PPP1R9B: variants seen among roughly 807,000 people sequenced by gnomAD.
PPP1R9B encodes the protein neurabin-2.
Under a neutral mutation model 75.8 loss-of-function variants are expected in PPP1R9B, and 17 were observed. The observed-to-expected ratio is 0.22, with a 90% CI of 0.15 to 0.34. The LOEUF is 0.34. PPP1R9B is among the 10% of genes least tolerant of loss of function. PPP1R9B has a pLI of 1.00. For missense variants in PPP1R9B, 875 were observed against 1,196.0 expected, an observed-to-expected ratio of 0.73 and a Z score of 3.96; for synonymous variants, 509 against 535.4, an observed-to-expected ratio of 0.95 and a Z score of 0.68.
At position 50,139,657 on chromosome 17, in the gene PPP1R9B, G is replaced by A; in HGVS notation, c.1867-76C>T. On this transcript the variant is annotated intron_variant, in intron 5 of 9. Transcript: ENST00000612501. The surrounding 1 kb of genome is among the most constrained non-coding windows in gnomAD (Gnocchi z 5.0). ...GCCCTGATGACCAGGGCTGGGACCA[G>A]TTGCCCATGCCAGACAGAGAGCTAC... 1.4e-6 allele frequency: 2 copies of A among 1,474,962 alleles called. No homozygotes were observed. Among genetic ancestry groups the A allele is most frequent in the South Asian group, 2.7e-5 (2 of 72,986 alleles). 91.4% of individuals were successfully genotyped at this position (1,474,962 alleles called of 1,614,324 possible).
At chr17:50,140,267 A>G (rs924253864) in intron 4 of PPP1R9B, 39 bp from the exon 5 acceptor site, 10 of 1,563,734 alleles carry the variant, frequency 6.4e-6, no homozygotes, top group Non-Finnish European at 8.7e-6. Flanking sequence ...CTCTGTCCTC[A>G]GCCAGGTAAT....
intron 1 of PPP1R9B, among the ~76,000 whole-genome samples, chr17:50,145,636 G>C (rs1206466844): frequency 6.6e-6 from 1 of 152,032 alleles, no homozygotes; most frequent in African/African-American, 2.4e-5. Flanking sequence ...GGGACACAAA[G>C]ACAGACACAG....
chr17:50,141,746 G>C (rs934493601), intron 3 of PPP1R9B, among the ~76,000 whole-genome samples: 1 of 152,050 alleles, frequency 6.6e-6, no homozygotes, highest in African/African-American at 2.4e-5. Context: ...CAGGGACCTG[G>C]TACTTTGTCT....
chr17:50,150,361 G>C lies in PPP1R9B; in HGVS notation c.153C>G (p.Gly51=). The C allele has an allele frequency of 2.1e-6, 3 of 1,430,726 alleles. No individual in the cohort carries two copies. The East Asian group carries it at 9.1e-5, about 44-fold the overall frequency. 88.6% of individuals were successfully genotyped at this position (1,430,726 alleles called of 1,614,324 possible). The change falls in exon 1 of 10, where the codon GGC becomes GGG. Residue 51 remains glycine, a synonymous_variant. Coordinates refer to ENST00000612501, the MANE Select transcript of PPP1R9B (RefSeq NM_032595.5). This position sits in a 1 kb window ranked among gnomAD's most constrained non-coding sequence, Gnocchi z 8.7. The part of the protein sequence containing the change: ...APKGAHHKKY[G]SNVHRIKSMF... ...TACTTTTGATGCGGTGGACGTTGGA[G>C]CCATATTTCTTGTGGTGGGCCCCCT...
Position 50,150,347 on chromosome 17 carries a change from C to T in PPP1R9B, c.167G>A (p.Arg56His). ...CATCTGCAGGAACATACTTTTGATG[C>T]GGTGGACGTTGGAGCCATATTTCTT... ...HHKKYGSNVH[R>H]IKSMFLQMGT... Residue 56 changes from arginine (R) to histidine (H), a missense_variant, in exon 1 of 10, where the codon CGC becomes CAC. By Grantham distance (29) the Arg-to-His change is conservative. Coordinates refer to ENST00000612501, the MANE Select transcript of PPP1R9B (RefSeq NM_032595.5). The surrounding 1 kb of genome is among the most constrained non-coding windows in gnomAD (Gnocchi z 8.7). The T allele has an allele frequency of 7.0e-7, 1 of 1,432,142 alleles. No individual in the cohort carries two copies. The highest frequency in any genetic ancestry group is 9.2e-7 in the Non-Finnish European group (1 of 1,091,734). The allele number at this position is 1,432,142 out of a possible 1,614,324, so 88.7% of individuals were successfully genotyped here.
Position 50,149,389 on chromosome 17 carries a change from G to A in PPP1R9B, c.1125C>T (p.Ala375=). 1.2e-6 allele frequency: 2 copies of A among 1,612,670 alleles called. No individual in the cohort carries two copies. Among genetic ancestry groups the A allele is most frequent in the Non-Finnish European group, 1.7e-6 (2 of 1,179,638 alleles). Residue 375 remains alanine, a synonymous_variant, in exon 1 of 10, where the codon GCC becomes GCT. Transcript: ENST00000612501. The surrounding 1 kb of genome is among the most constrained non-coding windows in gnomAD (Gnocchi z 7.2). Reference sequence around the variant, plus strand: ...TCTTGGATTCATCTACCTCCTCAGGGGCCACGTCCGGGGCCCGGCCATTGC... The same window carrying A: ...TCTTGGATTCATCTACCTCCTCAGGAGCCACGTCCGGGGCCCGGCCATTGC... The part of the protein sequence containing the change: ...GVGNGRAPDV[A]PEEVDESKKE...
chr17:50,135,645 T>C lies in PPP1R9B; in HGVS notation c.2308A>G (p.Ile770Val). The change falls in exon 9 of 10, where the codon ATC becomes GTC. Residue 770 changes from isoleucine (I) to valine (V), a missense_variant. Physicochemically the swap from Ile to Val is conservative, Grantham distance 29 (BLOSUM62 3). Transcript: ENST00000612501. ...RLIKDYQQKEIEFLKKETAQR... is the reference protein window; with the variant it reads ...RLIKDYQQKEVEFLKKETAQR... ...GCAGTCTCCTTTTTCAGGAACTCGA[T>C]CTCCCTGGGCACAGGCAAGGGACAG... 6.2e-7 allele frequency: 1 copy of C among 1,605,334 alleles called. No homozygotes were observed. The highest frequency in any genetic ancestry group is 8.5e-7 in the Non-Finnish European group (1 of 1,175,832).
At position 50,149,185 on chromosome 17, in the gene PPP1R9B, T is replaced by G. The variant is rs771067283; in HGVS notation, c.1329A>C (p.Pro443=). 1 of 1,581,048 alleles carries G rather than the reference T, an allele frequency of 6.3e-7. No individual in the cohort carries two copies. The highest frequency in any genetic ancestry group is 8.6e-7 in the Non-Finnish European group (1 of 1,163,706). The change falls in exon 1 of 10, where the codon CCA becomes CCC. Residue 443 remains proline (P), a synonymous_variant. Coordinates refer to ENST00000612501, the MANE Select transcript of PPP1R9B (RefSeq NM_032595.5). This position sits in a 1 kb window ranked among gnomAD's most constrained non-coding sequence, Gnocchi z 7.2. ...EIPGLSEEED[P]APSRKIHFST... ...TGAAATGGATCTTCCGGCTCGGGGC[T>G]GGGTCCTCCTCCTCCGACAGCCCCG...
At position 50,149,398 on chromosome 17, in the gene PPP1R9B, C is replaced by G. The variant is rs770296593; in HGVS notation, c.1116G>C (p.Pro372=). Residue 372 remains proline (P), a synonymous_variant, in exon 1 of 10, where the codon CCG becomes CCC. Coordinates refer to ENST00000612501, the MANE Select transcript of PPP1R9B (RefSeq NM_032595.5). This position sits in a 1 kb window ranked among gnomAD's most constrained non-coding sequence, Gnocchi z 7.2. ...CATCTACCTCCTCAGGGGCCACGTC[C>G]GGGGCCCGGCCATTGCCCACCCCCC... ...PERGVGNGRA[P]DVAPEEVDES... The G allele has an allele frequency of 2.2e-5, 36 of 1,612,376 alleles. No individual in the cohort carries two copies. The highest frequency in any genetic ancestry group is 3.0e-5 in the Non-Finnish European group (35 of 1,179,598).
At chr17:50,145,632 CAA>C (rs1046066837) in intron 1 of PPP1R9B, among the ~76,000 whole-genome samples, 1 of 151,394 alleles carries the variant, frequency 6.6e-6, no homozygotes, top group African/African-American at 2.4e-5. Flanking sequence ...AGAGGGGACA[CAA>C]AGACAGACAC....
In PPP1R9B at chr17:50,141,262, C is replaced by G. The variant is rs1168811319; in HGVS notation, c.1730+7G>C. 1 of 1,563,328 alleles carries G rather than the reference C, an allele frequency of 6.4e-7. No homozygotes were observed. Among genetic ancestry groups the G allele is most frequent in the Non-Finnish European group, 8.7e-7 (1 of 1,154,642 alleles). On this transcript the variant is annotated splice_region_variant and intron_variant, in intron 4 of 9. Coordinates refer to ENST00000612501, the MANE Select transcript of PPP1R9B (RefSeq NM_032595.5). The stretch of plus-strand genomic sequence containing the variant: ...CGCTCCCACGCCCCACCCCTCTGGG[C>G]TCTCACCGCACTCGGCCCTTGGTGT...
In PPP1R9B at chr17:50,150,486, C is replaced by G; in HGVS notation, c.28G>C (p.Gly10Arg). Reference protein sequence around the residue: MMKTEPRGPGGPLRSASPHR... With the variant: MMKTEPRGPRGPLRSASPHR... ...GGGGAGGCGCTCCGGAGGGGACCCC[C>G]GGGCCCCCGTGGCTCCGTCTTCATC... is the stretch of plus-strand genomic sequence containing the variant. Residue 10 changes from glycine to arginine, a missense_variant, in exon 1 of 10, where the codon GGG (glycine) becomes CGG (arginine). Coordinates refer to ENST00000612501, the MANE Select transcript of PPP1R9B (RefSeq NM_032595.5). This position sits in a 1 kb window ranked among gnomAD's most constrained non-coding sequence, Gnocchi z 8.7. 1 of 1,363,334 alleles carries G rather than the reference C, an allele frequency of 7.3e-7. No individual in the cohort carries two copies. 84.5% of individuals were successfully genotyped at this position (1,363,334 alleles called of 1,614,324 possible).
chr17:50,140,588 C>T lies in PPP1R9B; in HGVS notation c.1731-360G>A, dbSNP rs1031104409. On this transcript the variant is annotated intron_variant, in intron 4 of 9. Transcript: ENST00000612501. ...TGACCCTCCCAGCAGGGATGGGCTGCGGAGGTGTTTCTTGGGTATGCTCCA... is the reference window on the plus strand; with the variant it reads ...TGACCCTCCCAGCAGGGATGGGCTGTGGAGGTGTTTCTTGGGTATGCTCCA... Among the ~76,000 whole-genome samples, 6 of 152,116 alleles carry T rather than the reference C, an allele frequency of 3.9e-5. No homozygotes were observed. In the South Asian group the frequency reaches 6.2e-4, roughly 16 times the overall value.
rs115943380 is a variant in PPP1R9B at position 50,137,106 on chromosome 17, A to G, written c.2074-909T>C. ...ACGTGTGCTGTCCCCTCTGCCTGGAATGTCCCCCATCTACCCTCCTGCTTG... is the reference window on the plus strand; with the variant it reads ...ACGTGTGCTGTCCCCTCTGCCTGGAGTGTCCCCCATCTACCCTCCTGCTTG... On this transcript the variant is annotated intron_variant, in intron 7 of 9. Coordinates refer to ENST00000612501, the MANE Select transcript of PPP1R9B (RefSeq NM_032595.5). Among the ~76,000 whole-genome samples, 379 of 151,998 alleles carry G rather than the reference A, an allele frequency of 2.5e-3. 1 individual carries two copies. The highest frequency in any genetic ancestry group is 9.0e-3 in the African/African-American group (373 of 41,424).
chr17:50,136,979 G>GCA (rs1912249045), intron 7 of PPP1R9B, among the ~76,000 whole-genome samples: 2 of 152,088 alleles, frequency 1.3e-5, no homozygotes, highest in South Asian at 4.1e-4. Context: ...AGCCATGTTG[G>GCA]CACTCAGTCT....
chr17:50,150,331 G>A lies in PPP1R9B; in HGVS notation c.183C>T (p.Phe61=), dbSNP rs1912663316. 2.1e-6 allele frequency: 3 copies of A among 1,451,362 alleles called. No individual in the cohort carries two copies. In the African/African-American group the frequency reaches 4.5e-5, roughly 22 times the overall value. 89.9% of individuals were successfully genotyped at this position (1,451,362 alleles called of 1,614,324 possible). ...GSNVHRIKSM[F]LQMGTTAGPS... ...GCCCCGCCGTCGTGCCCATCTGCAG[G>A]AACATACTTTTGATGCGGTGGACGT... Residue 61 remains phenylalanine, a synonymous_variant, in exon 1 of 10, where the codon TTC becomes TTT. Transcript: ENST00000612501. The surrounding 1 kb of genome is among the most constrained non-coding windows in gnomAD (Gnocchi z 8.7).
chr17:50,140,402 G>C (rs1393253905), intron 4 of PPP1R9B, 174 bp from the exon 5 acceptor site: 1 of 867,906 alleles, frequency 1.2e-6, no homozygotes. Flanking sequence ...GCCCTTATCA[G>C]GTTTCCTTCC....
At chr17:50,144,576 C>G (rs950011406) in intron 2 of PPP1R9B, among the ~76,000 whole-genome samples, 1 of 152,150 alleles carries the variant, frequency 6.6e-6, no homozygotes, top group Admixed American at 6.5e-5. Context: ...GCAAATGCAG[C>G]CAAGCCCCTT....
At chr17:50,136,323 C>A in intron 7 of PPP1R9B, 126 bp from the exon 8 acceptor site, 1 of 721,654 alleles carries the variant, frequency 1.4e-6, no homozygotes, top group Non-Finnish European at 2.3e-6. Flanking sequence ...TGCACCCCAA[C>A]TACTAACCCT....
Sources: allele counts gnomAD v4.1 joint callset (sites outside exome capture counted in the v4.1 genomes callset), GRCh38; gene constraint gnomAD v4.1.1; non-coding constraint Gnocchi (gnomAD v3.1); transcripts MANE v1.5; gene names NCBI Gene and HGNC (gene_info 2026-07-23, HGNC 2026-07-21).